Variants in SHANK2 observed in about 807,000 individuals in gnomAD.
SHANK2 encodes SH3 and multiple ankyrin repeat domains protein 2.
Under a neutral mutation model 133.7 loss-of-function variants are expected in SHANK2, and 43 were observed. The observed-to-expected ratio is 0.32, with a 90% CI of 0.25 to 0.41. The LOEUF (loss-of-function observed/expected upper bound fraction) is 0.41. SHANK2 is among the 10% of genes least tolerant of loss of function. The probability of loss-of-function intolerance (pLI) is 1.00; values close to 1 mark genes in which losing one functional copy is unlikely to be tolerated. For synonymous variants in SHANK2, 1,017 were observed against 952.8 expected, an observed-to-expected ratio of 1.07 and a Z score of -1.24; for missense variants, 1,994 against 2,235.8, an observed-to-expected ratio of 0.89 and a Z score of 2.18.
At chr11:70,914,385 AG>A (rs1231238617) in intron 10 of SHANK2, among the ~76,000 whole-genome samples, 1 of 152,030 alleles carries the variant, frequency 6.6e-6, no homozygotes, top group African/African-American at 2.4e-5. Flanking sequence ...GGCTAGAAAA[AG>A]GTCATCACAC....
chr11:70,612,851 G>T (rs1285286624), intron 17 of SHANK2, among the ~76,000 whole-genome samples: 1 of 151,640 alleles, frequency 6.6e-6, no homozygotes, highest in African/African-American at 2.4e-5. Context: ...ATTCCTCTGT[G>T]GCCTCCACGT....
At chr11:70,636,541 G>A (rs781884510) in intron 17 of SHANK2, among the ~76,000 whole-genome samples, 7 of 149,702 alleles carry the variant, frequency 4.7e-5, no homozygotes, top group Non-Finnish European at 8.9e-5. Flanking sequence ...GTGAGCATGT[G>A]TGAATGCGTG....
chr11:70,866,949 C>T (rs922223742), intron 11 of SHANK2, among the ~76,000 whole-genome samples: 1 of 151,954 alleles, frequency 6.6e-6, no homozygotes, highest in Non-Finnish European at 1.5e-5. Flanking sequence ...CCAGCCTCTG[C>T]CTTCACTCCC....
At chr11:71,243,651 C>T (rs959051010) in intron 1 of SHANK2, among the ~76,000 whole-genome samples, 6 of 152,070 alleles carry the variant, frequency 3.9e-5, no homozygotes, top group East Asian at 1.9e-4. Flanking sequence ...GCTGAGATCA[C>T]GCCACTGCAC....
chr11:70,595,928 A>G (rs2060393673), intron 17 of SHANK2, among the ~76,000 whole-genome samples: 2 of 152,224 alleles, frequency 1.3e-5, no homozygotes. Flanking sequence ...CTTGTGAGAG[A>G]AAACAGAGCG....
intron 17 of SHANK2, among the ~76,000 whole-genome samples, chr11:70,523,918 G>A (rs1554971611): frequency 6.6e-6 from 1 of 152,124 alleles, no homozygotes; most frequent in African/African-American, 2.4e-5. Flanking sequence ...GCTCCGCACG[G>A]CCACTGCATG....
chr11:70,792,500 C>A (rs1555048280), intron 14 of SHANK2, among the ~76,000 whole-genome samples: 1 of 152,240 alleles, frequency 6.6e-6, no homozygotes, highest in East Asian at 1.9e-4. Flanking sequence ...CAGCAACTGT[C>A]ATGAGGCTAT....
At chr11:70,588,507 A>C (rs1046919557) in intron 17 of SHANK2, among the ~76,000 whole-genome samples, 16 of 152,362 alleles carry the variant, frequency 1.1e-4, no homozygotes, top group African/African-American at 3.8e-4. Flanking sequence ...ACTGATATGG[A>C]GAAAGTTTTA....
intron 14 of SHANK2, among the ~76,000 whole-genome samples, chr11:70,768,646 A>C (rs1555041960): frequency 6.6e-6 from 1 of 152,208 alleles, no homozygotes; most frequent in African/African-American, 2.4e-5. Flanking sequence ...TTTATCTTGC[A>C]AAGGAAGGGA....
chr11:71,171,166 G>A (rs1237622371), intron 2 of SHANK2, among the ~76,000 whole-genome samples: 3 of 152,184 alleles, frequency 2.0e-5, no homozygotes, highest in Admixed American at 6.5e-5. Context: ...ATTCTCCAAG[G>A]AGACAGCATC....
intron 17 of SHANK2, chr11:70,633,433 T>A (rs940016206): frequency 1.3e-5 from 2 of 152,124 alleles, no homozygotes; most frequent in African/African-American, 2.4e-5. Context: ...ACCAACTCAC[T>A]GGACATCAGT....
intron 17 of SHANK2, among the ~76,000 whole-genome samples, chr11:70,656,103 TGTC>T (rs1555011551): frequency 6.6e-6 from 1 of 152,138 alleles, no homozygotes; most frequent in Non-Finnish European, 1.5e-5. Flanking sequence ...CCTTAGCACA[TGTC>T]GTGAACTTCA....
In SHANK2 at chr11:70,599,587, G is replaced by A. The variant is rs1377403153; in HGVS notation, c.2061+60241C>T. Among the ~76,000 whole-genome samples the A allele has an allele frequency of 8.3e-5, 6 of 72,608 alleles. 1 individual carries two copies. In the South Asian group the frequency reaches 2.8e-3, roughly 34 times the overall value. The allele number at this position is 72,608 out of a possible 152,430, so 47.6% of individuals were successfully genotyped here. A position where few individuals can be genotyped will look rare whatever the true frequency, so the allele number is the denominator to read the frequency against. ...TGCGCCACTGCACTCCAGCCTGGGC[G>A]ACAGCGAGACTCCGTCTCAAAAAAA... On this transcript the variant is annotated intron_variant, in intron 17 of 25. Transcript: ENST00000601538.
intron 10 of SHANK2, among the ~76,000 whole-genome samples, chr11:70,932,921 T>C (rs1013947625): frequency 1.3e-5 from 2 of 152,202 alleles, no homozygotes; most frequent in Non-Finnish European, 2.9e-5. Context: ...GCTGGGAATG[T>C]AAAATGATGC....
chr11:70,598,341 G>A (rs948193), intron 17 of SHANK2, among the ~76,000 whole-genome samples: 29,491 of 152,126 alleles, frequency 0.19, 3,153 homozygotes, highest in East Asian at 0.39. Flanking sequence ...CTGGGAAGGA[G>A]CTGAAAATGG....
chr11:70,916,643 T>C (rs529737665), intron 10 of SHANK2, among the ~76,000 whole-genome samples: 9 of 152,110 alleles, frequency 5.9e-5, no homozygotes, highest in African/African-American at 2.2e-4. Context: ...GTCAGTTAAA[T>C]GGCAAGAAGC....
intron 2 of SHANK2, among the ~76,000 whole-genome samples, chr11:71,150,916 T>G (rs1177991408): frequency 2.0e-5 from 3 of 152,104 alleles, no homozygotes; most frequent in African/African-American, 7.2e-5. Context: ...AATCCTGAAC[T>G]TAGGAGTTTT....
chr11:70,662,465 C>G (rs988845835), intron 15 of SHANK2, among the ~76,000 whole-genome samples: 2 of 152,144 alleles, frequency 1.3e-5, no homozygotes, highest in African/African-American at 4.8e-5. Flanking sequence ...CCCCCTCCAG[C>G]GTCCCCCCGG....
intron 10 of SHANK2, among the ~76,000 whole-genome samples, chr11:70,926,289 T>C (rs927010905): frequency 1.1e-4 from 17 of 152,152 alleles, no homozygotes; most frequent in Admixed American, 2.6e-4. Context: ...TACGTGCCTG[T>C]AGTCCCAGCT....
Sources: allele counts gnomAD v4.1 joint callset (sites outside exome capture counted in the v4.1 genomes callset), GRCh38; gene constraint gnomAD v4.1.1; transcripts MANE v1.5; gene names NCBI Gene and HGNC (gene_info 2026-07-23, HGNC 2026-07-21).